The following SYNPO2 variants were observed in gnomAD, a reference collection of about 807,000 sequenced individuals.
SYNPO2 encodes synaptopodin-2.
In SYNPO2, 56 loss-of-function variants were observed where a neutral mutation model predicts 85.0. The ratio of observed to expected loss-of-function variants is 0.66; its 90% CI spans 0.53 to 0.82. The LOEUF (loss-of-function observed/expected upper bound fraction) is 0.82, where lower values mean the gene tolerates loss of function less well. Ranked by LOEUF, SYNPO2 falls within the 40% of genes least tolerant of loss-of-function variation. The probability of loss-of-function intolerance (pLI) is 0.00; values close to 1 mark genes in which losing one functional copy is unlikely to be tolerated. For missense variants in SYNPO2, 1,575 were observed against 1,534.2 expected (o/e 1.03, Z -0.44); for synonymous variants, 602 against 591.1 (o/e 1.02, Z -0.27).
intron 1 of SYNPO2, among the ~76,000 whole-genome samples, chr4:118,972,507 A>G (rs979914481): frequency 3.3e-5 from 5 of 152,206 alleles, no homozygotes; most frequent in African/African-American, 1.2e-4. Context: ...ATTTCCCCAA[A>G]TAGGAAAATA....
chr4:119,025,587 C>A (rs1737904259), intron 2 of SYNPO2, among the ~76,000 whole-genome samples: 1 of 151,964 alleles, frequency 6.6e-6, no homozygotes, highest in Non-Finnish European at 1.5e-5. Context: ...AAGGTAAATT[C>A]CTTTGAGTAG....
chr4:118,874,771 A>C lies in SYNPO2; in HGVS notation c.12+23831A>C, dbSNP rs112332088. On this transcript the variant is annotated intron_variant, in intron 1 of 4. Coordinates refer to the SYNPO2 transcript ENST00000610556. ...ATATTTATTTAAAATGAGAAAAAAA[A>C]CAAAAATTTCAAGTTTTTTAAAAGA... 2.5e-3 allele frequency among the ~76,000 whole-genome samples: 383 copies of C among 152,350 alleles called. 2 individuals carry two copies. The highest frequency in any genetic ancestry group is 8.6e-3 in the African/African-American group (356 of 41,580).
intron 1 of SYNPO2, among the ~76,000 whole-genome samples, chr4:118,987,866 A>C (rs932119879): frequency 2.6e-5 from 4 of 152,214 alleles, no homozygotes; most frequent in African/African-American, 9.7e-5. Context: ...TCTTCATAAC[A>C]TATAAGATGT....
At chr4:118,924,955 A>G (rs1326652841) in intron 1 of SYNPO2, among the ~76,000 whole-genome samples, 1 of 152,142 alleles carries the variant, frequency 6.6e-6, no homozygotes, top group East Asian at 1.9e-4. Flanking sequence ...TTTTTGCCCT[A>G]GGCACGTAAA....
At chr4:119,037,487 G>A in intron 4 of SYNPO2, 4 of 1,022,494 alleles carry the variant, frequency 3.9e-6, no homozygotes, top group Non-Finnish European at 4.7e-6. Context: ...AGGATACACG[G>A]TAGAAGTCAG....
At chr4:118,977,123 G>C (rs11098468) in intron 1 of SYNPO2, among the ~76,000 whole-genome samples, 1 of 151,608 alleles carries the variant, frequency 6.6e-6, no homozygotes, top group East Asian at 2.0e-4. Context: ...AGGGAGGCTC[G>C]GGCCGCACAG....
At chr4:118,927,749 T>A (rs1733775095) in intron 1 of SYNPO2, among the ~76,000 whole-genome samples, 59 of 117,428 alleles carry the variant, frequency 5.0e-4, no homozygotes, top group African/African-American at 1.7e-3. Context: ...GATAGATAGA[T>A]GATAGATAGA....
chr4:118,875,593 G>T (rs1390235911), intron 1 of SYNPO2, among the ~76,000 whole-genome samples: 1 of 152,160 alleles, frequency 6.6e-6, no homozygotes, highest in Non-Finnish European at 1.5e-5. Flanking sequence ...CCATTATCTA[G>T]CATGTTCCTG....
intron 1 of SYNPO2, among the ~76,000 whole-genome samples, chr4:118,871,755 G>C (rs1329820354): frequency 2.6e-5 from 4 of 152,108 alleles, no homozygotes; most frequent in Non-Finnish European, 5.9e-5. Context: ...ATTTTTAGTA[G>C]AGGCGGGGTT....
chr4:118,851,140 T>G (rs1448606026), intron 1 of SYNPO2, among the ~76,000 whole-genome samples: 1 of 131,730 alleles, frequency 7.6e-6, no homozygotes, highest in South Asian at 2.3e-4. Flanking sequence ...GTCAGAACTT[T>G]CCTGACTGTT....
rs541744731 is a variant in SYNPO2 at position 118,935,803 on chromosome 4, AAGTT to A, written c.105+46665_105+46668del. 2.7e-3 allele frequency among the ~76,000 whole-genome samples: 419 copies of A among 152,378 alleles called. 4 individuals are homozygous for A. The highest frequency in any genetic ancestry group is 9.6e-3 in the African/African-American group (401 of 41,584). On this transcript the variant is annotated intron_variant, in intron 1 of 4. Coordinates refer to ENST00000307142, the MANE Select transcript of SYNPO2 (RefSeq NM_133477.3). ...ATAAACTGTATTTTTACAATAAAGT[AAGTT>A]AGAGAAAAGAAAATCACAAGGAAAA...
chr4:118,874,263 C>A (rs1168538938), intron 1 of SYNPO2, among the ~76,000 whole-genome samples: 2 of 152,010 alleles, frequency 1.3e-5, no homozygotes, highest in African/African-American at 4.8e-5. Context: ...AGCCTAAGGG[C>A]AAAGCAGACA....
In SYNPO2 at chr4:118,970,177, A is replaced by G. The variant is rs1735484420; in HGVS notation, c.106-53253A>G. Reference sequence around the variant, plus strand: ...CTGTTTTATTCCTGAATTATAAATTATCAACAGATTTCATTCTCTTAACAA... The same window carrying G: ...CTGTTTTATTCCTGAATTATAAATTGTCAACAGATTTCATTCTCTTAACAA... On this transcript the variant is annotated intron_variant, in intron 1 of 4. Transcript: ENST00000307142. Among the ~76,000 whole-genome samples the G allele has an allele frequency of 2.0e-5, 3 of 152,238 alleles. No homozygotes were observed. In the South Asian group the frequency reaches 6.2e-4, roughly 31 times the overall value.
chr4:118,991,650 A>G (rs1736420472), intron 1 of SYNPO2, among the ~76,000 whole-genome samples: 1 of 152,138 alleles, frequency 6.6e-6, no homozygotes, highest in Non-Finnish European at 1.5e-5. Flanking sequence ...TGCCTATTGA[A>G]GCTCCTTAGG....
rs116368326 is a variant in SYNPO2 at position 119,003,676 on chromosome 4, G to T, written c.106-19754G>T. ...CCCTCCCAGTATAGTCTCTATGTTT[G>T]CATTCTGCCTTTTTAGTATCTTTTA... is the stretch of plus-strand genomic sequence containing the variant. On this transcript the variant is annotated intron_variant, in intron 1 of 4. Transcript: ENST00000307142. 2.8e-3 allele frequency among the ~76,000 whole-genome samples: 427 copies of T among 152,156 alleles called. 4 individuals are homozygous for T. The highest frequency in any genetic ancestry group is 9.6e-3 in the African/African-American group (398 of 41,496).
At chr4:118,940,191 GGC>G (rs1275580536) in intron 1 of SYNPO2, among the ~76,000 whole-genome samples, 5 of 151,796 alleles carry the variant, frequency 3.3e-5, no homozygotes, top group Admixed American at 2.6e-4. Context: ...TCACCATGTT[GGC>G]CAGGCTGGTG....
intron 1 of SYNPO2, among the ~76,000 whole-genome samples, chr4:118,860,023 G>A (rs962988352): frequency 3.9e-5 from 6 of 152,090 alleles, no homozygotes; most frequent in African/African-American, 1.2e-4. Context: ...TACTAATTGC[G>A]TTCCCACCAA....
At chr4:118,906,030 A>G (rs546895608) in intron 1 of SYNPO2, among the ~76,000 whole-genome samples, 1 of 152,302 alleles carries the variant, frequency 6.6e-6, no homozygotes, top group East Asian at 1.9e-4. Flanking sequence ...GGCATATTAC[A>G]AAATAATGCT....
At chr4:118,990,907 G>T (rs1387127242) in intron 1 of SYNPO2, among the ~76,000 whole-genome samples, 1 of 152,024 alleles carries the variant, frequency 6.6e-6, no homozygotes, top group Non-Finnish European at 1.5e-5. Flanking sequence ...ACCATGCCCG[G>T]CCTAAGCTGG....
Sources: allele counts gnomAD v4.1 joint callset (sites outside exome capture counted in the v4.1 genomes callset), GRCh38; gene constraint gnomAD v4.1.1; transcripts MANE v1.5; gene names NCBI Gene and HGNC (gene_info 2026-07-23, HGNC 2026-07-21).